Variants in CS observed in about 807,000 individuals in gnomAD.
CS encodes the protein citrate synthase, mitochondrial.
CS carries 13 observed loss-of-function variants against 61.4 expected under a neutral mutation model. The ratio of observed to expected loss-of-function variants is 0.21; its 90% confidence interval spans 0.14 to 0.34. The LOEUF is 0.34. CS is among the 10% of genes least tolerant of loss of function. The pLI is 1.00. For synonymous variants in CS, 159 were observed against 215.2 expected (o/e 0.74, Z 2.29); for missense variants, 278 against 573.4 (o/e 0.48, Z 5.26).
intron 1 of CS, among the ~76,000 whole-genome samples, chr12:56,297,310 A>G (rs1873335559): frequency 6.6e-6 from 1 of 152,222 alleles, no homozygotes; most frequent in African/African-American, 2.4e-5. Flanking sequence ...TCACCCACAG[A>G]TAATACTAAG....
chr12:56,284,913 A>C (rs79819365), intron 3 of CS, among the ~76,000 whole-genome samples: 1 of 150,070 alleles, frequency 6.7e-6, no homozygotes, highest in Non-Finnish European at 1.5e-5. Context: ...AAAAAAAAAA[A>C]ACAGGGTTTT....
At chr12:56,296,663 C>A (rs2135927500) in intron 1 of CS, among the ~76,000 whole-genome samples, 1 of 152,186 alleles carries the variant, frequency 6.6e-6, no homozygotes, top group East Asian at 1.9e-4. Context: ...CTTCTGCTGC[C>A]CCTTGGATTT....
intron 2 of CS, 90 bp from the exon 3 acceptor site, chr12:56,286,113 A>G: frequency 9.5e-7 from 1 of 1,050,856 alleles, no homozygotes; most frequent in South Asian, 1.3e-5. Flanking sequence ...GCTTTTTAGA[A>G]GCTGGCTTTA....
At chr12:56,284,330 A>G (rs1592409652) in intron 3 of CS, among the ~76,000 whole-genome samples, 1 of 150,608 alleles carries the variant, frequency 6.6e-6, no homozygotes, top group African/African-American at 2.4e-5. Flanking sequence ...AAAAAAAAAA[A>G]AAAAAAAGAA....
In CS at chr12:56,273,043, T is replaced by C. The variant is rs1254964952; in HGVS notation, c.*41A>G. ...ACAAAAGTATACTTTTTATTTAGGC[T>C]TCCTCACTTTCTGGTAGTCACTTTC... On this transcript the variant is annotated 3_prime_UTR_variant, in exon 11 of 11. Transcript: ENST00000351328. 3.3e-6 allele frequency: 5 copies of C among 1,533,780 alleles called. No homozygotes were observed. Among genetic ancestry groups the C allele is most frequent in the Non-Finnish European group, 4.4e-6 (5 of 1,133,802 alleles).
intron 6 of CS, 130 bp from the exon 7 acceptor site, chr12:56,276,325 A>G (rs1371924226): frequency 1.4e-6 from 1 of 731,062 alleles, no homozygotes; most frequent in African/African-American, 1.8e-5. Flanking sequence ...ATGGGTTGTT[A>G]TATATTGAGT....
intron 1 of CS, among the ~76,000 whole-genome samples, chr12:56,299,041 C>CAAA (rs112718114): frequency 2.9e-4 from 39 of 135,020 alleles, no homozygotes; most frequent in Admixed American, 1.2e-3. Flanking sequence ...TATCCTGTCT[C>CAAA]AAAAAAAAAA....
At chr12:56,273,294 G>A (rs1212840725) in intron 10 of CS, 40 bp from the exon 11 acceptor site, 2 of 1,594,282 alleles carry the variant, frequency 1.3e-6, no homozygotes, top group East Asian at 4.5e-5. Context: ...TTAAGGCAGA[G>A]GCAGTGGCAT....
Position 56,272,994 on chromosome 12 carries a change from T to C in CS, c.*90A>G, listed in dbSNP as rs1466844720. On this transcript the variant is annotated 3_prime_UTR_variant, in exon 11 of 11. Transcript: ENST00000351328. ...TCAGTGCCTCAGATATAATTTAATC[T>C]TAAGTCTTTAAAGGCCCCCTGAAAC... 4.3e-6 allele frequency: 3 copies of C among 703,722 alleles called. No individual in the cohort carries two copies. Among genetic ancestry groups the C allele is most frequent in the Non-Finnish European group, 4.9e-6 (2 of 409,636 alleles). 43.6% of individuals were successfully genotyped at this position (703,722 alleles called of 1,614,324 possible).
At chr12:56,287,228 C>T (rs1440714576) in intron 1 of CS, among the ~76,000 whole-genome samples, 1 of 152,096 alleles carries the variant, frequency 6.6e-6, no homozygotes, top group African/African-American at 2.4e-5. Context: ...TGCCTGTAAT[C>T]CCAGCACTTT....
intron 3 of CS, among the ~76,000 whole-genome samples, 184 bp downstream of exon 3, chr12:56,285,732 A>G (rs902805937): frequency 6.6e-6 from 1 of 152,222 alleles, no homozygotes; most frequent in Non-Finnish European, 1.5e-5. Context: ...CCAATAAGCT[A>G]AAAACTGTTG....
chr12:56,280,416 C>CAAAAAA (rs1190260476), intron 6 of CS, among the ~76,000 whole-genome samples: 1,241 of 89,624 alleles, frequency 0.014, 204 homozygotes, highest in South Asian at 0.022. Flanking sequence ...CACCGTCTCC[C>CAAAAAA]AAAAAAAACA....
intron 9 of CS, 95 bp from the exon 10 acceptor site, chr12:56,273,891 T>A: frequency 9.3e-7 from 1 of 1,074,454 alleles, no homozygotes; most frequent in Non-Finnish European, 1.4e-6. Context: ...TGGAGTGCAG[T>A]GGCATGATCA....
intron 1 of CS, 159 bp downstream of exon 1, chr12:56,300,001 G>T: frequency 1.5e-6 from 1 of 656,720 alleles, no homozygotes; most frequent in Non-Finnish European, 2.5e-6. Context: ...GCGGCACATG[G>T]TCCTGTAGCT....
intron 6 of CS, among the ~76,000 whole-genome samples, chr12:56,276,434 A>G (rs930539329): frequency 2.6e-5 from 4 of 152,220 alleles, no homozygotes; most frequent in African/African-American, 9.6e-5. Context: ...TGTACACTAA[A>G]ACATTATTCC....
intron 7 of CS, 65 bp from the exon 8 acceptor site, chr12:56,275,196 G>C: frequency 6.9e-6 from 11 of 1,602,228 alleles, no homozygotes; most frequent in Non-Finnish European, 8.5e-6. Context: ...AAACTTTGCT[G>C]TTCTCTTATT....
chr12:56,274,000 T>C, intron 9 of CS: 1 of 290,082 alleles, frequency 3.4e-6, no homozygotes, highest in Non-Finnish European at 6.8e-6. Flanking sequence ...CATCTGGCTT[T>C]TTTTTTTTTT....
intron 3 of CS, chr12:56,285,295 GT>G: frequency 2.3e-6 from 1 of 437,384 alleles, no homozygotes; most frequent in African/African-American, 2.0e-5. Flanking sequence ...CTTTTTGTTT[GT>G]TTTGGAGATA....
chr12:56,284,346 A>T (rs1281223183), intron 3 of CS, among the ~76,000 whole-genome samples: 1 of 151,096 alleles, frequency 6.6e-6, no homozygotes, highest in Admixed American at 6.6e-5. Flanking sequence ...AAGAAAAAAA[A>T]AAACAAACTT....
Sources: gnomAD v4.1 joint callset for allele counts (sites outside exome capture counted in the v4.1 genomes callset) on GRCh38, gnomAD v4.1.1 for gene constraint, MANE v1.5 for transcripts, NCBI Gene and HGNC (gene_info 2026-07-23, HGNC 2026-07-21) for gene names.